Variants in DGAT2 observed in about 807,000 individuals in gnomAD.
The protein encoded by DGAT2 is acyl-CoA retinol O-fatty-acyltransferase.
DGAT2 carries 33 observed loss-of-function variants against 48.4 expected under a neutral mutation model. The ratio of observed to expected loss-of-function variants is 0.68; its 90% CI spans 0.52 to 0.91. The LOEUF is 0.91. DGAT2 is among the 40% of genes least tolerant of loss of function. The probability of loss-of-function intolerance (pLI) is 0.00; values close to 1 mark genes in which losing one functional copy is unlikely to be tolerated. For missense variants in DGAT2, 446 were observed against 493.7 expected, an observed-to-expected ratio of 0.90 and a Z score of 0.92; for synonymous variants, 191 against 194.1, an observed-to-expected ratio of 0.98 and a Z score of 0.13.
chr11:75,793,945 T>G (rs1369089725), intron 4 of DGAT2: 4 of 152,248 alleles, frequency 2.6e-5, no homozygotes, highest in Non-Finnish European at 5.9e-5. Flanking sequence ...AACGAGATTT[T>G]GAGATCTGCT....
intron 1 of DGAT2, among the ~76,000 whole-genome samples, chr11:75,778,697 T>C (rs1944827992): frequency 6.6e-6 from 1 of 151,248 alleles, no homozygotes. Context: ...AGCCGGGCGT[T>C]GTGGCGGGTG....
At chr11:75,787,344 A>G (rs1440701893) in intron 2 of DGAT2, among the ~76,000 whole-genome samples, 1 of 152,254 alleles carries the variant, frequency 6.6e-6, no homozygotes, top group Non-Finnish European at 1.5e-5. Context: ...CTTGGCCAGC[A>G]AGTGGCAGGG....
Position 75,790,640 on chromosome 11 carries a change from CTG to C in DGAT2, c.359-19_359-18del. ...AAATGTACCCCCACCCCCACCAACT[CTG>C]TATTTTATTCCCTGGAAGGTGGCAG... On this transcript the variant is annotated intron_variant, in intron 3 of 7. Coordinates refer to ENST00000228027, the MANE Select transcript of DGAT2 (RefSeq NM_032564.5). The C allele has an allele frequency of 6.2e-7, 1 of 1,613,166 alleles. No homozygotes were observed. The highest frequency in any genetic ancestry group is 1.1e-5 in the South Asian group (1 of 91,052).
At chr11:75,795,170 G>T (rs1945037042) in intron 4 of DGAT2, 1 of 152,048 alleles carries the variant, frequency 6.6e-6, no homozygotes, top group Admixed American at 6.6e-5. Flanking sequence ...GACCACAGGT[G>T]CGTGCCACCA....
At chr11:75,794,332 T>C (rs916752121) in intron 4 of DGAT2, 4 of 152,216 alleles carry the variant, frequency 2.6e-5, no homozygotes, top group African/African-American at 9.6e-5. Flanking sequence ...CTCTTGACAT[T>C]CTGCTGGTGG....
intron 1 of DGAT2, among the ~76,000 whole-genome samples, chr11:75,780,015 C>T (rs951615052): frequency 2.0e-5 from 3 of 152,248 alleles, no homozygotes; most frequent in African/African-American, 7.2e-5. Context: ...CAAGTCCTGG[C>T]ACCCATGCGT....
chr11:75,774,529 A>G lies in DGAT2; in HGVS notation c.121+5417A>G, dbSNP rs558512117. Among the ~76,000 whole-genome samples the G allele has an allele frequency of 7.9e-5, 12 of 152,300 alleles. No individual in the cohort carries two copies. The East Asian group carries it at 2.3e-3, about 29-fold the overall frequency. ...GACCTTGGGTATAACACTGCCTCTT[A>G]GGGCCTCAGCCTTCTCATCTGCACA... On this transcript the variant is annotated intron_variant, in intron 1 of 7. Transcript: ENST00000228027.
intron 2 of DGAT2, 26 bp from the exon 3 acceptor site, chr11:75,790,162 C>G (rs10899123): frequency 0.11 from 178,169 of 1,551,392 alleles, 15,175 homozygotes; most frequent in African/African-American, 0.43. Flanking sequence ...CCAGTAGGAC[C>G]TGACCTGTGG....
At chr11:75,796,721 C>A in intron 5 of DGAT2, 189 bp downstream of exon 5, 1 of 618,344 alleles carries the variant, frequency 1.6e-6, no homozygotes. Flanking sequence ...CTTGAGAATT[C>A]AACTCGGATA....
At chr11:75,793,763 G>A (rs1224259998) in intron 4 of DGAT2, 1 of 152,236 alleles carries the variant, frequency 6.6e-6, no homozygotes, top group Non-Finnish European at 1.5e-5. Context: ...AAGTTTCCAA[G>A]TTTCCCACCT....
At position 75,796,495 on chromosome 11, in the gene DGAT2, C is replaced by G. The variant is rs1945055510; in HGVS notation, c.597C>G (p.Phe199Leu). 1 of 1,613,466 alleles carries G rather than the reference C, an allele frequency of 6.2e-7. No individual in the cohort carries two copies. Among genetic ancestry groups the G allele is most frequent in the Non-Finnish European group, 8.5e-7 (1 of 1,180,020 alleles). ...RPYLATLAGN[F>L]RMPVLREYLM... ...ACCTGGCTACACTGGCAGGCAACTT[C>G]CGAATGCCTGTGTTGAGGGAGTACC... Residue 199 changes from phenylalanine (F) to leucine (L), a missense_variant, in exon 5 of 8, where the codon TTC becomes TTG. By Grantham distance (22) the Phe-to-Leu change is conservative. Transcript: ENST00000228027.
At chr11:75,771,591 T>G (rs746288179) in intron 1 of DGAT2, among the ~76,000 whole-genome samples, 28 of 152,148 alleles carry the variant, frequency 1.8e-4, no homozygotes, top group Non-Finnish European at 2.9e-4. Context: ...TCCACATCAC[T>G]GTGGATCTGC....
rs149438733 is a variant in DGAT2, at chr11:75,773,388, C to G, written c.121+4276C>G. Among the ~76,000 whole-genome samples, 685 of 152,282 alleles carry G rather than the reference C, an allele frequency of 4.5e-3. 2 individuals carry two copies. Among genetic ancestry groups the G allele is most frequent in the African/African-American group, 0.015 (627 of 41,558 alleles). ...TGCTTCCCAGGGCTTATTAGAAGCC[C>G]GAGAGCTGGGGTTCCAGGCCTGACA... On this transcript the variant is annotated intron_variant, in intron 1 of 7. Coordinates refer to ENST00000228027, the MANE Select transcript of DGAT2 (RefSeq NM_032564.5).
intron 1 of DGAT2, among the ~76,000 whole-genome samples, chr11:75,778,833 CAAAAAAAA>C: frequency 1.5e-5 from 1 of 68,472 alleles, no homozygotes; most frequent in East Asian, 4.0e-4. Context: ...GACTCCGTCT[CAAAAAAAA>C]AAAAAAAAAA....
At chr11:75,786,639 G>A (rs1434958247) in intron 2 of DGAT2, among the ~76,000 whole-genome samples, 4 of 152,184 alleles carry the variant, frequency 2.6e-5, no homozygotes, top group East Asian at 1.9e-4. Flanking sequence ...GCCTCGCCTC[G>A]CATAGGTGGG....
Position 75,796,486 on chromosome 11 carries a change from A to G in DGAT2, c.588A>G (p.Ala196=), listed in dbSNP as rs1456257428. ...TACGGCCTTACCTGGCTACACTGGCAGGCAACTTCCGAATGCCTGTGTTGA... is the reference window on the plus strand; with the variant it reads ...TACGGCCTTACCTGGCTACACTGGCGGGCAACTTCCGAATGCCTGTGTTGA... The part of the protein sequence containing the change: ...PGIRPYLATL[A]GNFRMPVLRE... The change falls in exon 5 of 8, where the codon GCA becomes GCG. Residue 196 remains alanine (A), a synonymous_variant. Transcript: ENST00000228027. 4 of 1,613,714 alleles carry G rather than the reference A, an allele frequency of 2.5e-6. No individual in the cohort carries two copies. Among genetic ancestry groups the G allele is most frequent in the Admixed American group, 1.7e-5 (1 of 60,020 alleles).
intron 1 of DGAT2, among the ~76,000 whole-genome samples, chr11:75,780,378 A>G (rs1565314921): frequency 6.6e-6 from 1 of 152,218 alleles, no homozygotes; most frequent in Non-Finnish European, 1.5e-5. Flanking sequence ...AACTACTGCA[A>G]GATGGTAAGC....
chr11:75,799,443 G>A (rs1701598925), intron 7 of DGAT2, among the ~76,000 whole-genome samples: 1 of 152,192 alleles, frequency 6.6e-6, no homozygotes, highest in African/African-American at 2.4e-5. Context: ...GGGAGTAGCA[G>A]TGGAGATGGA....
chr11:75,774,033 A>G (rs1208955635), intron 1 of DGAT2: 1 of 152,326 alleles, frequency 6.6e-6, no homozygotes, highest in African/African-American at 2.4e-5. Flanking sequence ...GTCTTGGTGT[A>G]CTGAGAGCCA....
Sources: allele counts gnomAD v4.1 joint callset (sites outside exome capture counted in the v4.1 genomes callset), GRCh38; gene constraint gnomAD v4.1.1; transcripts MANE v1.5; gene names NCBI Gene and HGNC (gene_info 2026-07-23, HGNC 2026-07-21).